The following IRAK1BP1 variants were observed in gnomAD, a reference collection of about 807,000 sequenced individuals.
IRAK1BP1 encodes interleukin 1 receptor associated kinase 1 binding protein 1.
In IRAK1BP1, 24 loss-of-function variants were observed where a neutral mutation model predicts 28.0. That is an observed-to-expected ratio of 0.86 (90% confidence interval 0.62 to 1.20). The LOEUF is 1.20. IRAK1BP1 is among the 50% of genes most tolerant of loss of function. IRAK1BP1 has a pLI of 0.00. For missense variants in IRAK1BP1, 336 were observed against 316.7 expected (o/e 1.06, Z -0.46); for synonymous variants, 131 against 116.3 (o/e 1.13, Z -0.81).
At chr6:78,945,280 A>G (rs1773740301) in intron 4 of IRAK1BP1, 1 of 1,530,962 alleles carries the variant, frequency 6.5e-7, no homozygotes, top group Non-Finnish European at 9.1e-7. Flanking sequence ...GTATCTTGAA[A>G]GATACAAGTA....
At chr6:78,888,276 G>A (rs538086058) in intron 2 of IRAK1BP1, among the ~76,000 whole-genome samples, 16 of 152,266 alleles carry the variant, frequency 1.1e-4, no homozygotes, top group African/African-American at 3.6e-4. Context: ...GCTATACAGT[G>A]TAGTGCCTAC....
At chr6:78,904,710 T>C (rs1772216994), downstream of IRAK1BP1, among the ~76,000 whole-genome samples, 1 of 152,082 alleles carries the variant, frequency 6.6e-6, no homozygotes, top group African/African-American at 2.4e-5. Flanking sequence ...CCCAAGTAAA[T>C]AGCATCAAAA....
At chr6:78,958,422 T>C in the IRAK1BP1 span, 2 of 1,116,566 alleles carry the variant, frequency 1.8e-6, no homozygotes, top group Non-Finnish European at 2.7e-6. Flanking sequence ...AGAGGAACTG[T>C]AGTGCCATTA....
At chr6:78,877,914 G>T (rs1478462210) in intron 1 of IRAK1BP1, among the ~76,000 whole-genome samples, 2 of 151,662 alleles carry the variant, frequency 1.3e-5, no homozygotes, top group African/African-American at 4.8e-5. Context: ...GTCTGATATC[G>T]AACTGTAAGG....
chr6:78,977,764 GT>G, the IRAK1BP1 span, among the ~76,000 whole-genome samples: 1 of 152,176 alleles, frequency 6.6e-6, no homozygotes, highest in Non-Finnish European at 1.5e-5. Flanking sequence ...ATGTGGTAAT[GT>G]TCTGTGCTCT....
intron 4 of IRAK1BP1, among the ~76,000 whole-genome samples, chr6:78,924,341 C>A (rs1292042143): frequency 6.6e-6 from 1 of 152,174 alleles, no homozygotes; most frequent in Non-Finnish European, 1.5e-5. Context: ...TTCCTCAACA[C>A]ATACACCCTG....
chr6:78,879,693 T>C (rs780473844), intron 1 of IRAK1BP1, among the ~76,000 whole-genome samples: 1 of 152,168 alleles, frequency 6.6e-6, no homozygotes, highest in Non-Finnish European at 1.5e-5. Flanking sequence ...AAGCACTGGA[T>C]GGAACAAACC....
chr6:78,968,122 G>A, the IRAK1BP1 span, among the ~76,000 whole-genome samples: 11 of 152,196 alleles, frequency 7.2e-5, no homozygotes, highest in East Asian at 1.7e-3. Context: ...GTGACAGAGC[G>A]AGACTCCATC....
rs1772152378 is a variant in IRAK1BP1, at chr6:78,902,848, T to C, written c.*4514T>C. 6.7e-6 allele frequency: 4 copies of C among 594,508 alleles called. No individual in the cohort carries two copies. The highest frequency in any genetic ancestry group is 1.2e-5 in the Non-Finnish European group (4 of 334,948). 36.8% of individuals were successfully genotyped at this position (594,508 alleles called of 1,614,324 possible). Reference sequence around the variant, plus strand: ...AAATGCCCAGTATCTTACAAGACTGTAGTTCACAGTGGGTAATTCAAATCA... The same window carrying C: ...AAATGCCCAGTATCTTACAAGACTGCAGTTCACAGTGGGTAATTCAAATCA... On this transcript the variant is annotated 3_prime_UTR_variant, in exon 4 of 4. Coordinates refer to ENST00000369940, the MANE Select transcript of IRAK1BP1 (RefSeq NM_001010844.4).
chr6:78,897,699 G>T (rs1445051842), intron 2 of IRAK1BP1, 130 bp from the exon 3 acceptor site: 1 of 603,046 alleles, frequency 1.7e-6, no homozygotes, highest in Admixed American at 3.6e-5. Context: ...TATCAAATAG[G>T]CTTTTAAAAA....
the IRAK1BP1 span, chr6:78,970,686 G>A: frequency 2.6e-6 from 2 of 755,354 alleles, no homozygotes; most frequent in Non-Finnish European, 4.3e-6. Flanking sequence ...TCATGATGCA[G>A]TTTCTTATTG....
chr6:78,896,927 G>T (rs1562087618), intron 2 of IRAK1BP1, among the ~76,000 whole-genome samples: 1 of 151,986 alleles, frequency 6.6e-6, no homozygotes, highest in East Asian at 1.9e-4. Context: ...TGTAGTATCT[G>T]TATTTTGTTT....
chr6:78,962,385 T>C, the IRAK1BP1 span, among the ~76,000 whole-genome samples: 1 of 152,158 alleles, frequency 6.6e-6, no homozygotes, highest in East Asian at 1.9e-4. Context: ...ATACTTAATA[T>C]CCTAAAATAT....
chr6:78,868,537 C>T (rs553982459), intron 1 of IRAK1BP1, among the ~76,000 whole-genome samples: 40 of 152,326 alleles, frequency 2.6e-4, no homozygotes, highest in South Asian at 6.2e-4. Context: ...AATACTTCTA[C>T]TTACTTAACG....
intron 1 of IRAK1BP1, among the ~76,000 whole-genome samples, chr6:78,868,758 A>G (rs1372751157): frequency 6.6e-6 from 1 of 152,242 alleles, no homozygotes; most frequent in Non-Finnish European, 1.5e-5. Flanking sequence ...CCAGAATGTA[A>G]GTTGCTTCCA....
chr6:78,873,540 A>C (rs1489096690), intron 1 of IRAK1BP1, among the ~76,000 whole-genome samples: 1 of 151,940 alleles, frequency 6.6e-6, no homozygotes, highest in Admixed American at 6.6e-5. Context: ...TAGGGTGATT[A>C]CTATCATTGT....
the IRAK1BP1 span, among the ~76,000 whole-genome samples, chr6:78,967,939 C>G: frequency 6.6e-6 from 1 of 151,908 alleles, no homozygotes; most frequent in Non-Finnish European, 1.5e-5. Flanking sequence ...TCAAGACCAT[C>G]CTGGCTAACG....
At chr6:78,941,398 G>A in intron 4 of IRAK1BP1, 2 of 1,095,496 alleles carry the variant, frequency 1.8e-6, no homozygotes, top group Admixed American at 2.3e-5. Flanking sequence ...AAACTTGTCA[G>A]TAAGGCCCCA....
downstream of IRAK1BP1, among the ~76,000 whole-genome samples, chr6:78,951,359 C>A (rs1188568074): frequency 6.6e-6 from 1 of 151,962 alleles, no homozygotes; most frequent in Non-Finnish European, 1.5e-5. Flanking sequence ...AATATTAAGC[C>A]CATTCATTTC....
Sources: gnomAD v4.1 joint callset for allele counts (sites outside exome capture counted in the v4.1 genomes callset) on GRCh38, gnomAD v4.1.1 for gene constraint, MANE v1.5 for transcripts, NCBI Gene and HGNC (gene_info 2026-07-23, HGNC 2026-07-21) for gene names.